The following RPA1 variants were observed in gnomAD, a reference collection of about 807,000 sequenced individuals.
RPA1 encodes replication protein A 70 kDa DNA-binding subunit.
RPA1 carries 49 observed loss-of-function variants against 83.0 expected under a neutral mutation model. That is an observed-to-expected ratio of 0.59 (90% CI 0.47 to 0.75). RPA1 has a LOEUF of 0.75. RPA1 is among the 30% of genes least tolerant of loss of function. The pLI is 0.00. For synonymous variants in RPA1, 279 were observed against 281.8 expected (o/e 0.99, Z 0.10); for missense variants, 693 against 776.1 (o/e 0.89, Z 1.27).
At chr17:1,873,333 T>C (rs1913447416) in intron 6 of RPA1, among the ~76,000 whole-genome samples, 1 of 152,240 alleles carries the variant, frequency 6.6e-6, no homozygotes, top group Admixed American at 6.5e-5. Context: ...AATGGAATCA[T>C]TTTGTTTACT....
At chr17:1,836,483 CT>C (rs908199147) in intron 1 of RPA1, among the ~76,000 whole-genome samples, 2 of 152,130 alleles carry the variant, frequency 1.3e-5, no homozygotes, top group African/African-American at 4.8e-5. Context: ...CACATTGCCC[CT>C]GTGGAGATAT....
intron 5 of RPA1, among the ~76,000 whole-genome samples, chr17:1,863,925 G>A (rs1282894911): frequency 1.3e-5 from 2 of 152,276 alleles, no homozygotes; most frequent in Non-Finnish European, 2.9e-5. Flanking sequence ...GAAAAGAAAT[G>A]TTCAGAGTGT....
chr17:1,860,703 T>G (rs772755757), intron 5 of RPA1, among the ~76,000 whole-genome samples: 5 of 152,156 alleles, frequency 3.3e-5, no homozygotes, highest in Non-Finnish European at 7.3e-5. Flanking sequence ...CGGATTTGTT[T>G]CCGTCAGTTG....
chr17:1,832,676 C>T (rs7211560), intron 1 of RPA1, among the ~76,000 whole-genome samples: 51,074 of 152,000 alleles, frequency 0.34, 10,521 homozygotes, highest in Non-Finnish European at 0.48. Flanking sequence ...CGTGAGCCAC[C>T]GCGCACGACC....
intron 4 of RPA1, among the ~76,000 whole-genome samples, chr17:1,846,475 G>A (rs529530484): frequency 3.2e-4 from 49 of 151,868 alleles, no homozygotes; most frequent in Non-Finnish European, 5.1e-4. Flanking sequence ...CCACCACCAC[G>A]CCTGGCTAAT....
chr17:1,897,134 C>G lies in RPA1; in HGVS notation c.1810C>G (p.Arg604Gly). Residue 604 changes from arginine (R) to glycine (G), a missense_variant, in exon 17 of 17, where the codon CGA becomes GGA. Physicochemically the swap from Arg to Gly is moderately radical, Grantham distance 125. Transcript: ENST00000254719. ...VKPVDYREYG[R>G]RLVMSIRRSA... ...GCCCGTGGACTACAGAGAGTATGGCCGAAGGCTGGTCATGAGCATCAGGAG... is the reference window on the plus strand; with the variant it reads ...GCCCGTGGACTACAGAGAGTATGGCGGAAGGCTGGTCATGAGCATCAGGAG... 1 of 1,567,188 alleles carries G rather than the reference C, an allele frequency of 6.4e-7. No individual in the cohort carries two copies. Among genetic ancestry groups the G allele is most frequent in the Non-Finnish European group, 8.7e-7 (1 of 1,155,744 alleles).
At chr17:1,839,228 G>T (rs1013663443) in intron 1 of RPA1, among the ~76,000 whole-genome samples, 1 of 152,170 alleles carries the variant, frequency 6.6e-6, no homozygotes, top group Admixed American at 6.5e-5. Flanking sequence ...TGATTTCTAT[G>T]TTGGTGCTTA....
intron 1 of RPA1, among the ~76,000 whole-genome samples, chr17:1,841,464 C>A (rs1050407589): frequency 6.6e-6 from 1 of 152,096 alleles, no homozygotes; most frequent in Non-Finnish European, 1.5e-5. Flanking sequence ...CCACCACGCC[C>A]AGCTAATTTT....
At chr17:1,854,615 G>A (rs1043049522) in intron 5 of RPA1, among the ~76,000 whole-genome samples, 1 of 152,052 alleles carries the variant, frequency 6.6e-6, no homozygotes, top group Non-Finnish European at 1.5e-5. Flanking sequence ...GAGGTGGGGG[G>A]ATTACTTGAG....
intron 1 of RPA1, 121 bp downstream of exon 1, chr17:1,830,247 CG>C: frequency 1.2e-5 from 2 of 168,870 alleles, no homozygotes; most frequent in Non-Finnish European, 9.9e-6. Context: ...GAGGAGATGG[CG>C]GGGGGCGGTG....
chr17:1,849,289 C>CTCTT (rs1457398986), intron 4 of RPA1, among the ~76,000 whole-genome samples: 4 of 116,320 alleles, frequency 3.4e-5, no homozygotes, highest in Non-Finnish European at 6.9e-5. Context: ...GTTGGCTGTT[C>CTCTT]TTTTTTTTTT....
At chr17:1,834,661 C>T (rs781563285) in intron 1 of RPA1, among the ~76,000 whole-genome samples, 2 of 152,042 alleles carry the variant, frequency 1.3e-5, no homozygotes, top group East Asian at 1.9e-4. Flanking sequence ...AATTATATAA[C>T]GAAAGGGGAA....
intron 14 of RPA1, 48 bp from the exon 15 acceptor site, chr17:1,891,784 GT>G: frequency 8.1e-7 from 1 of 1,241,654 alleles, no homozygotes; most frequent in Non-Finnish European, 1.2e-6. Flanking sequence ...TTCTCAGTGT[GT>G]CTTTTTATTA....
intron 14 of RPA1, among the ~76,000 whole-genome samples, chr17:1,890,094 G>C (rs1267683676): frequency 6.6e-6 from 1 of 152,200 alleles, no homozygotes; most frequent in East Asian, 1.9e-4. Flanking sequence ...TATTGGCCAG[G>C]CGCAGTGACT....
At chr17:1,853,498 C>T (rs1473656189) in intron 5 of RPA1, among the ~76,000 whole-genome samples, 1 of 152,188 alleles carries the variant, frequency 6.6e-6, no homozygotes, top group Non-Finnish European at 1.5e-5. Flanking sequence ...GTCTGGCCAG[C>T]ATGGCAAAAC....
At position 1,887,974 on chromosome 17, in the gene RPA1, C is replaced by G. The variant is rs572413075; in HGVS notation, c.1375-701C>G. ...GTGACACAGAGACATAAAGTGAGCA[C>G]CTGCTATTGGGAAAATAGTGCATTT... On this transcript the variant is annotated intron_variant, in intron 13 of 16. Transcript: ENST00000254719. Among the ~76,000 whole-genome samples, 18 of 152,254 alleles carry G rather than the reference C, an allele frequency of 1.2e-4. 1 individual carries two copies. The highest frequency in any genetic ancestry group is 4.3e-4 in the African/African-American group (18 of 41,542).
intron 7 of RPA1, among the ~76,000 whole-genome samples, chr17:1,876,452 G>A (rs1001197099): frequency 2.0e-5 from 3 of 152,190 alleles, no homozygotes; most frequent in Non-Finnish European, 4.4e-5. Flanking sequence ...CTACTCAGGA[G>A]GCTGAGGCAG....
intron 8 of RPA1, among the ~76,000 whole-genome samples, chr17:1,878,747 T>C (rs995185021): frequency 8.5e-5 from 13 of 152,202 alleles, no homozygotes; most frequent in African/African-American, 3.1e-4. Context: ...TAATGCAGCA[T>C]GATTATGGGA....
At chr17:1,883,417 TC>T (rs1243759683) in intron 12 of RPA1, among the ~76,000 whole-genome samples, 1 of 152,080 alleles carries the variant, frequency 6.6e-6, no homozygotes, top group African/African-American at 2.4e-5. Context: ...CGCCTCATCC[TC>T]CCAAAATGCT....
Sources: gnomAD v4.1 joint callset for allele counts (sites outside exome capture counted in the v4.1 genomes callset) on GRCh38, gnomAD v4.1.1 for gene constraint, MANE v1.5 for transcripts, NCBI Gene and HGNC (gene_info 2026-07-23, HGNC 2026-07-21) for gene names.